Variants in ITGA6 observed in about 807,000 individuals in gnomAD.
ITGA6 encodes integrin subunit alpha 6.
ITGA6 carries 63 observed loss-of-function variants against 133.6 expected under a neutral mutation model. The observed-to-expected ratio is 0.47, with a 90% CI of 0.38 to 0.58. The LOEUF is 0.58. ITGA6 is among the 20% of genes least tolerant of loss of function. The pLI, the probability that ITGA6 is intolerant of heterozygous loss-of-function variation, is 0.00. For missense variants in ITGA6, 1,068 were observed against 1,309.4 expected, an observed-to-expected ratio of 0.82 and a Z score of 2.85; for synonymous variants, 434 against 482.0, an observed-to-expected ratio of 0.90 and a Z score of 1.30.
At chr2:172,449,051 A>T (rs1472465061) in intron 1 of ITGA6, among the ~76,000 whole-genome samples, 1 of 152,146 alleles carries the variant, frequency 6.6e-6, no homozygotes, top group African/African-American at 2.4e-5. Flanking sequence ...CACAGGCGTC[A>T]AAGTCCTTGT....
At position 172,471,042 on chromosome 2, in the gene ITGA6, G is replaced by A. The variant is rs376487015; in HGVS notation, c.712G>A (p.Glu238Lys). The change falls in exon 5 of 26, where the codon GAA (glutamate) becomes AAA (lysine). Residue 238 changes from glutamate (E) to lysine (K), a missense_variant. Transcript: ENST00000684293. Reference protein sequence around the residue: ...DMNIFEDGPYEVGGETEHDES... With the variant: ...DMNIFEDGPYKVGGETEHDES... Reference sequence around the variant, plus strand: ...GAACATCTTTGAAGATGGGCCTTATGAAGTTGGTGGAGAGACTGAGCATGA... The same window carrying A: ...GAACATCTTTGAAGATGGGCCTTATAAAGTTGGTGGAGAGACTGAGCATGA... The A allele has an allele frequency of 4.3e-6, 7 of 1,614,176 alleles. No individual in the cohort carries two copies. The highest frequency in any genetic ancestry group is 5.9e-6 in the Non-Finnish European group (7 of 1,180,000).
chr2:172,486,913 G>C (rs928678451), intron 13 of ITGA6, 110 bp from the exon 14 acceptor site: 35 of 718,070 alleles, frequency 4.9e-5, no homozygotes, highest in African/African-American at 4.7e-4. Flanking sequence ...ATTCTGCATT[G>C]GTAATTGTCA....
chr2:172,443,689 T>G (rs1684633667), intron 1 of ITGA6, among the ~76,000 whole-genome samples: 1 of 152,276 alleles, frequency 6.6e-6, no homozygotes, highest in Admixed American at 6.5e-5. Flanking sequence ...GTGTTAAAAT[T>G]AGAATGGCTT....
intron 1 of ITGA6, among the ~76,000 whole-genome samples, chr2:172,437,773 G>A (rs1684383145): frequency 6.6e-6 from 1 of 152,012 alleles, no homozygotes. Context: ...GGAGGCCTGA[G>A]CCCTATGGTG....
chr2:172,487,026 C>A lies in ITGA6; in HGVS notation c.1858C>A (p.His620Asn), dbSNP rs1180852168. The A allele has an allele frequency of 6.3e-7, 1 of 1,583,210 alleles. No homozygotes were observed. Among genetic ancestry groups the A allele is most frequent in the South Asian group, 1.1e-5 (1 of 90,424 alleles). The change falls in exon 14 of 26, where the codon CAC becomes AAC. Residue 620 changes from histidine to asparagine, a missense_variant. By Grantham distance (68) the His-to-Asn change is moderately conservative (BLOSUM62 1). This residue lies in a region of ITGA6 where 609 missense variants were observed against 707.2 expected (regional missense o/e 0.86). Transcript: ENST00000684293. ...AATAGTTTTCGTTTTCCTACAGGTT[C>A]ACTTCTTAAAAGAGGGATGTGGAGA... Reference protein sequence around the residue: ...DEPKTAHIDVHFLKEGCGDDN... With the variant: ...DEPKTAHIDVNFLKEGCGDDN...
intron 1 of ITGA6, among the ~76,000 whole-genome samples, chr2:172,448,244 A>G (rs1338733184): frequency 6.6e-6 from 1 of 152,118 alleles, no homozygotes. Context: ...GACGTTAATT[A>G]TAACTGACCA....
At chr2:172,448,770 A>G (rs111299933) in intron 1 of ITGA6, among the ~76,000 whole-genome samples, 1 of 152,356 alleles carries the variant, frequency 6.6e-6, no homozygotes, top group African/African-American at 2.4e-5. Context: ...ACACTTGCCC[A>G]ACTGGATTAT....
intron 13 of ITGA6, 82 bp downstream of exon 13, chr2:172,485,346 C>T: frequency 8.1e-7 from 1 of 1,240,406 alleles, no homozygotes; most frequent in Non-Finnish European, 1.2e-6. Context: ...GGGAATAGAA[C>T]TAGTGATTTG....
intron 4 of ITGA6, among the ~76,000 whole-genome samples, chr2:172,469,971 G>A (rs951287257): frequency 6.6e-6 from 1 of 152,118 alleles, no homozygotes; most frequent in South Asian, 2.1e-4. Context: ...GAGAGGTAAA[G>A]AAGAAAATGG....
In ITGA6 at chr2:172,465,577, T is replaced by A. The variant is rs766981406; in HGVS notation, c.221T>A (p.Leu74Gln). ...GCCCCGCGGGCAGAAGCGCTTCCAC[T>A]GCAGAGAGCCAACAGAACGGGAGGG... ...VGAPRAEALP[L>Q]QRANRTGGLY... is the part of the protein sequence containing the mutation. The change falls in exon 2 of 26, where the codon CTG (leucine) becomes CAG (glutamine). Residue 74 changes from leucine to glutamine, a missense_variant. This residue lies in a region of ITGA6 where 142 missense variants were observed against 145.3 expected (regional missense o/e 0.98). Coordinates refer to ENST00000684293, the MANE Select transcript of ITGA6 (RefSeq NM_000210.4). 2.8e-5 allele frequency: 46 copies of A among 1,614,124 alleles called. No homozygotes were observed. The highest frequency in any genetic ancestry group is 3.7e-5 in the Non-Finnish European group (44 of 1,180,052).
chr2:172,451,672 G>A (rs35974400), intron 1 of ITGA6, among the ~76,000 whole-genome samples: 9,874 of 152,242 alleles, frequency 0.065, 434 homozygotes, highest in Non-Finnish European at 0.099. Context: ...CACAGGATGA[G>A]AGCGCAGCTA....
chr2:172,504,299 C>CCAA lies in ITGA6; in HGVS notation c.*233_*235dup. 7.1e-7 allele frequency: 1 copy of CCAA among 1,401,152 alleles called. No homozygotes were observed. The highest frequency in any genetic ancestry group is 1.4e-5 in the South Asian group (1 of 71,624). The allele number at this position is 1,401,152 out of a possible 1,614,324, so 86.8% of individuals were successfully genotyped here. A position where few individuals can be genotyped will look rare whatever the true frequency, so the allele number is the denominator to read the frequency against. On this transcript the variant is annotated 3_prime_UTR_variant, in exon 26 of 26. Transcript: ENST00000684293. ...CTTCACAGTACCCAAACTGCTTTTT[C>CCAA]CAACTCAGAAATTCAATTTGGATTT...
intron 5 of ITGA6, 110 bp downstream of exon 5, chr2:172,471,215 TG>T: frequency 7.8e-7 from 1 of 1,289,592 alleles, no homozygotes; most frequent in Non-Finnish European, 1.1e-6. Context: ...AGAGGCCAGG[TG>T]GGGCCGGGCC....
rs774992379 is a variant in ITGA6, at chr2:172,476,456, G to T, written c.1331G>T (p.Arg444Leu). The T allele has an allele frequency of 1.9e-6, 3 of 1,612,804 alleles. No homozygotes were observed. The highest frequency in any genetic ancestry group is 2.5e-6 in the Non-Finnish European group (3 of 1,179,108). ...YSIAGNMDLD[R>L]NSYPDVAVGS... Reference sequence around the variant, plus strand: ...ATTGCTGGAAACATGGACCTTGATCGAAATTCCTACCCTGATGTTGCTGTT... The same window carrying T: ...ATTGCTGGAAACATGGACCTTGATCTAAATTCCTACCCTGATGTTGCTGTT... Residue 444 changes from arginine to leucine, a missense_variant, in exon 9 of 26, where the codon CGA (arginine) becomes CTA (leucine). Coordinates refer to ENST00000684293, the MANE Select transcript of ITGA6 (RefSeq NM_000210.4).
chr2:172,472,734 A>G, intron 5 of ITGA6: 1 of 1,300,666 alleles, frequency 7.7e-7, no homozygotes, highest in Non-Finnish European at 1.1e-6. Flanking sequence ...AAGCATAATT[A>G]CTTTTTCTTC....
Position 172,491,169 on chromosome 2 carries a change from G to T in ITGA6, c.2778+47G>T. On this transcript the variant is annotated intron_variant, in intron 21 of 25. Transcript: ENST00000684293. The surrounding 1 kb of genome is among the most constrained non-coding windows in gnomAD (Gnocchi z 4.4). ...TGAATATTTGAGAGGATGAGGGGAAGGATTTCTTCAGAACAATGTCTTTTG... is the reference window on the plus strand; with the variant it reads ...TGAATATTTGAGAGGATGAGGGGAATGATTTCTTCAGAACAATGTCTTTTG... The T allele has an allele frequency of 7.8e-7, 1 of 1,281,056 alleles. No homozygotes were observed. Among genetic ancestry groups the T allele is most frequent in the South Asian group, 1.2e-5 (1 of 84,268 alleles). 79.4% of individuals were successfully genotyped at this position (1,281,056 alleles called of 1,614,324 possible). A position where few individuals can be genotyped will look rare whatever the true frequency, so the allele number is the denominator to read the frequency against.
intron 1 of ITGA6, among the ~76,000 whole-genome samples, chr2:172,454,307 C>T (rs1430933053): frequency 2.6e-5 from 4 of 152,098 alleles, no homozygotes; most frequent in African/African-American, 9.7e-5. Context: ...TGGTCTCAAT[C>T]TCCTGACCTC....
intron 5 of ITGA6, chr2:172,472,738 T>A: frequency 1.5e-6 from 2 of 1,368,560 alleles, no homozygotes; most frequent in Non-Finnish European, 2.1e-6. Flanking sequence ...ATAATTACTT[T>A]TTCTTCAATT....
At chr2:172,487,921 C>T in intron 17 of ITGA6, 40 bp from the exon 18 acceptor site, 2 of 1,578,406 alleles carry the variant, frequency 1.3e-6, no homozygotes, top group Non-Finnish European at 1.7e-6. Flanking sequence ...AGAAAACTGA[C>T]TGGTAAAATA....
Sources: allele counts gnomAD v4.1 joint callset (sites outside exome capture counted in the v4.1 genomes callset), GRCh38; gene constraint gnomAD v4.1.1; regional missense constraint gnomAD v4.1.1; non-coding constraint Gnocchi (gnomAD v3.1); transcripts MANE v1.5; gene names NCBI Gene and HGNC (gene_info 2026-07-23, HGNC 2026-07-21).